PCDH9: variants seen among roughly 807,000 people sequenced by gnomAD.
PCDH9 encodes the protein protocadherin-9.
PCDH9 carries 24 observed loss-of-function variants against 70.6 expected under a neutral mutation model. The observed-to-expected ratio is 0.34, with a 90% CI of 0.25 to 0.48. The LOEUF is 0.48. PCDH9 is among the 20% of genes least tolerant of loss of function. PCDH9 has a pLI of 0.99. For missense variants in PCDH9, 1,281 were observed against 1,503.6 expected (o/e 0.85, Z 2.45); for synonymous variants, 562 against 558.5 (o/e 1.01, Z -0.09).
At chr13:66,563,472 A>T (rs73194727) in intron 4 of PCDH9, among the ~76,000 whole-genome samples, 1,706 of 152,296 alleles carry the variant, frequency 0.011, 17 homozygotes, top group Non-Finnish European at 0.019. Context: ...TATTACAATT[A>T]CAAATGAGAG....
intron 2 of PCDH9, among the ~76,000 whole-genome samples, chr13:67,071,907 A>G (rs557705160): frequency 4.2e-4 from 64 of 151,116 alleles, no homozygotes; most frequent in South Asian, 1.5e-3. Flanking sequence ...AAAAAAAAAA[A>G]AGAGAGAATC....
intron 3 of PCDH9, among the ~76,000 whole-genome samples, chr13:66,862,844 A>G (rs182894349): frequency 6.6e-6 from 1 of 152,312 alleles, no homozygotes; most frequent in East Asian, 1.9e-4. Context: ...AGTAGAAAGA[A>G]TAGTTATAAG....
intron 3 of PCDH9, among the ~76,000 whole-genome samples, chr13:66,825,627 G>A (rs944026672): frequency 1.8e-4 from 28 of 151,980 alleles, no homozygotes; most frequent in East Asian, 1.9e-4. Context: ...GAGCCACCGC[G>A]CCCGGCCAAA....
chr13:66,426,183 A>C (rs1957666256), intron 4 of PCDH9, among the ~76,000 whole-genome samples: 1 of 151,504 alleles, frequency 6.6e-6, no homozygotes, highest in Admixed American at 6.6e-5. Flanking sequence ...GTGGCAGAAG[A>C]ATTACTTTTT....
intron 2 of PCDH9, among the ~76,000 whole-genome samples, chr13:67,157,781 G>A (rs1365772130): frequency 6.6e-6 from 1 of 152,162 alleles, no homozygotes; most frequent in African/African-American, 2.4e-5. Flanking sequence ...TTTAGAAGAA[G>A]GCAGCCTTAA....
intron 3 of PCDH9, among the ~76,000 whole-genome samples, chr13:66,843,257 C>T (rs2081147089): frequency 2.0e-5 from 3 of 152,024 alleles, no homozygotes; most frequent in Non-Finnish European, 4.4e-5. Flanking sequence ...TGTAAACCTC[C>T]CAACATCACC....
chr13:66,365,067 T>G (rs1956531184), intron 4 of PCDH9, among the ~76,000 whole-genome samples: 1 of 152,202 alleles, frequency 6.6e-6, no homozygotes, highest in African/African-American at 2.4e-5. Context: ...TCTCTTTTCA[T>G]AAAAGAAAGT....
intron 4 of PCDH9, among the ~76,000 whole-genome samples, chr13:66,509,847 C>A (rs987566255): frequency 3.3e-5 from 5 of 152,082 alleles, no homozygotes; most frequent in Non-Finnish European, 7.4e-5. Flanking sequence ...TGACATCTTT[C>A]TAAAATTTCA....
At position 66,357,511 on chromosome 13, in the gene PCDH9, C is replaced by T. The variant is rs769727880; in HGVS notation, c.3341-52483G>A. Among the ~76,000 whole-genome samples, 5 of 151,984 alleles carry T rather than the reference C, an allele frequency of 3.3e-5. 1 individual carries two copies. In the Middle Eastern group the frequency reaches 0.014, roughly 414 times the overall value. On this transcript the variant is annotated intron_variant, in intron 4 of 4. Transcript: ENST00000377865. The stretch of plus-strand genomic sequence containing the variant: ...TATCAACTAATTTTTTTTTGTCATT[C>T]GAACTAGCAGGATGTCAAATCCTTC...
intron 4 of PCDH9, among the ~76,000 whole-genome samples, chr13:66,358,729 A>G (rs1956423672): frequency 2.0e-5 from 3 of 151,948 alleles, no homozygotes; most frequent in Admixed American, 2.0e-4. Context: ...TTCCATCTCC[A>G]ACCTAACCAT....
At chr13:67,081,426 G>C (rs1447693999) in intron 2 of PCDH9, among the ~76,000 whole-genome samples, 1 of 152,076 alleles carries the variant, frequency 6.6e-6, no homozygotes, top group Non-Finnish European at 1.5e-5. Flanking sequence ...AAATTATTCA[G>C]GTGTGATGGC....
intron 2 of PCDH9, among the ~76,000 whole-genome samples, chr13:67,002,845 A>G (rs2084272231): frequency 6.6e-6 from 1 of 152,064 alleles, no homozygotes; most frequent in East Asian, 1.9e-4. Flanking sequence ...TGACCAGTCC[A>G]TTAATTATCA....
Position 66,304,781 on chromosome 13 carries a change from C to G in PCDH9, c.3588G>C (p.Lys1196Asn). 1 of 1,613,562 alleles carries G rather than the reference C, an allele frequency of 6.2e-7. No homozygotes were observed. Among genetic ancestry groups the G allele is most frequent in the Non-Finnish European group, 8.5e-7 (1 of 1,179,736 alleles). ...DSNRNQFNDRKQYGSNEGHFN... is the reference protein window; with the variant it reads ...DSNRNQFNDRNQYGSNEGHFN... ...AATGGCCTTCATTGGAGCCATACTG[C>G]TTACGGTCATTGAACTGGTTCCTGT... Residue 1196 changes from lysine to asparagine, a missense_variant, in exon 5 of 5, where the codon AAG becomes AAC. Physicochemically the swap from Lys to Asn is moderately conservative, Grantham distance 94 (BLOSUM62 0). Around this residue, in one of 4 missense-constraint regions of PCDH9, gnomAD observed 264 missense variants for 278.8 expected, o/e 0.95. Transcript: ENST00000377865.
At chr13:66,706,400 C>T (rs2078712015) in intron 3 of PCDH9, among the ~76,000 whole-genome samples, 1 of 152,178 alleles carries the variant, frequency 6.6e-6, no homozygotes, top group Non-Finnish European at 1.5e-5. Flanking sequence ...CTGTCTGAAA[C>T]ACTTTTTCTT....
chr13:66,681,094 C>A (rs1371454976), intron 3 of PCDH9, among the ~76,000 whole-genome samples: 3 of 152,016 alleles, frequency 2.0e-5, no homozygotes, highest in African/African-American at 7.2e-5. Context: ...AGAAGTCACA[C>A]AGAAGTTACA....
chr13:66,831,781 G>A (rs2080929523), intron 3 of PCDH9, among the ~76,000 whole-genome samples: 1 of 152,042 alleles, frequency 6.6e-6, no homozygotes, highest in Non-Finnish European at 1.5e-5. Flanking sequence ...AGTATTTTGG[G>A]GTTACAATTA....
chr13:67,154,918 G>C (rs769915761), intron 2 of PCDH9, among the ~76,000 whole-genome samples: 3 of 151,632 alleles, frequency 2.0e-5, no homozygotes, highest in Admixed American at 1.3e-4. Context: ...TTGCCATGTT[G>C]GTCAGTCTGG....
Position 67,050,866 on chromosome 13 carries a change from T to C in PCDH9, c.3037-147261A>G, listed in dbSNP as rs570634317. 2.0e-5 allele frequency among the ~76,000 whole-genome samples: 3 copies of C among 152,138 alleles called. No individual in the cohort carries two copies. In the East Asian group the frequency reaches 5.8e-4, roughly 29 times the overall value. The stretch of plus-strand genomic sequence containing the variant: ...TTCATATTGCTTCTTCTTCCCTAGG[T>C]ACAAAACAACATGTATTGATTCAAT... On this transcript the variant is annotated intron_variant, in intron 2 of 4. Transcript: ENST00000377865.
At chr13:66,965,039 A>C (rs536823600) in intron 2 of PCDH9, among the ~76,000 whole-genome samples, 108 of 152,214 alleles carry the variant, frequency 7.1e-4, no homozygotes, top group African/African-American at 2.6e-3. Flanking sequence ...AGAAATGAAT[A>C]AAGTATTTAA....
Sources: gnomAD v4.1 joint callset for allele counts (sites outside exome capture counted in the v4.1 genomes callset) on GRCh38, gnomAD v4.1.1 for gene constraint, gnomAD v4.1.1 regional missense constraint, MANE v1.5 for transcripts, NCBI Gene and HGNC (gene_info 2026-07-23, HGNC 2026-07-21) for gene names.